ATP7B: variants seen among roughly 807,000 people sequenced by gnomAD.
ATP7B encodes ATPase copper transporting beta, also known as copper-transporting ATPase 2.
ATP7B carries 113 observed loss-of-function variants against 118.9 expected under a neutral mutation model. The ratio of observed to expected loss-of-function variants is 0.95; its 90% CI spans 0.82 to 1.11. The LOEUF (loss-of-function observed/expected upper bound fraction) is 1.11, where lower values mean the gene tolerates loss of function less well. Among genes scored for constraint, ATP7B ranks in the 50% most tolerant of loss-of-function variants. ATP7B has a pLI of 0.00. For synonymous variants in ATP7B, 777 were observed against 727.4 expected (o/e 1.07, Z -1.10); for missense variants, 1,867 against 1,871.4 (o/e 1.00, Z 0.04).
At chr13:51,997,595 T>C (rs1953272688) in intron 1 of ATP7B, among the ~76,000 whole-genome samples, 1 of 152,198 alleles carries the variant, frequency 6.6e-6, no homozygotes, top group Non-Finnish European at 1.5e-5. Flanking sequence ...GACTTTGTCC[T>C]GTGGGTGGTG....
In ATP7B at chr13:51,964,926, A is replaced by C. The variant is rs774401223; in HGVS notation, c.1815T>G (p.Leu605=). ...ASVALATSKA[L]VKFDPEIIGP... is the part of the protein sequence containing the mutation. ...CGATAATTTCCGGGTCAAACTTAAC[A>C]AGGGCTTTGCTGGTGGCAAGGGCAA... Residue 605 remains leucine (L), a synonymous_variant, in exon 5 of 21, where the codon CTT becomes CTG. Transcript: ENST00000242839. The C allele has an allele frequency of 3.7e-6, 6 of 1,614,186 alleles. No individual in the cohort carries two copies. The Admixed American group carries it at 1.0e-4, about 27-fold the overall frequency.
At chr13:51,990,052 T>C (rs528186158) in intron 1 of ATP7B, among the ~76,000 whole-genome samples, 6 of 152,078 alleles carry the variant, frequency 3.9e-5, no homozygotes, top group Non-Finnish European at 7.4e-5. Context: ...AAATAATCCT[T>C]AGAAAAAGAA....
At chr13:51,938,276 T>C (rs1189700470) in intron 17 of ATP7B, among the ~76,000 whole-genome samples, 2 of 152,182 alleles carry the variant, frequency 1.3e-5, no homozygotes, top group Non-Finnish European at 2.9e-5. Flanking sequence ...ATCTACACAG[T>C]CACTGGTCCA....
At chr13:52,000,594 AAACTT>A (rs1416141276) in intron 1 of ATP7B, among the ~76,000 whole-genome samples, 6 of 152,180 alleles carry the variant, frequency 3.9e-5, no homozygotes, top group South Asian at 2.1e-4. Context: ...TATGCATCGC[AAACTT>A]AACTTGTCTA....
At chr13:51,992,699 C>G (rs1307354687) in intron 1 of ATP7B, among the ~76,000 whole-genome samples, 1 of 151,860 alleles carries the variant, frequency 6.6e-6, no homozygotes, top group Non-Finnish European at 1.5e-5. Context: ...TTATATAGGC[C>G]AGGCAGGGTG....
chr13:51,966,530 G>A (rs1016039125), intron 4 of ATP7B, among the ~76,000 whole-genome samples: 2 of 152,232 alleles, frequency 1.3e-5, no homozygotes, highest in African/African-American at 4.8e-5. Context: ...AGGCAAATAT[G>A]AAGCAAACAG....
At chr13:51,957,404 T>C in intron 9 of ATP7B, 112 bp downstream of exon 9, 1 of 1,099,702 alleles carries the variant, frequency 9.1e-7, no homozygotes. Flanking sequence ...TTACTGTGTC[T>C]CTGCCCACAC....
intron 9 of ATP7B, among the ~76,000 whole-genome samples, chr13:51,955,490 G>A (rs1229525233): frequency 2.0e-5 from 3 of 152,164 alleles, no homozygotes; most frequent in African/African-American, 4.8e-5. Context: ...CAGGCCGTGC[G>A]TCCCCAGCCA....
intron 4 of ATP7B, 135 bp downstream of exon 4, chr13:51,968,309 G>A (rs1451306572): frequency 1.5e-5 from 21 of 1,362,532 alleles, no homozygotes; most frequent in East Asian, 4.9e-5. Flanking sequence ...AAAGGAAAGT[G>A]AAACAAACAA....
At chr13:51,968,652 C>T in intron 3 of ATP7B, 45 bp from the exon 4 acceptor site, 1 of 1,606,536 alleles carries the variant, frequency 6.2e-7, no homozygotes, top group Non-Finnish European at 8.5e-7. Context: ...GTGGGCAGGG[C>T]CTCTAGGTTG....
intron 9 of ATP7B, among the ~76,000 whole-genome samples, chr13:51,954,810 A>G (rs1958232922): frequency 6.6e-6 from 1 of 152,240 alleles, no homozygotes; most frequent in Admixed American, 6.5e-5. Context: ...ACCAGCAGGT[A>G]GTCTCTGGGA....
intron 1 of ATP7B, among the ~76,000 whole-genome samples, chr13:52,004,620 C>T (rs2140594263): frequency 6.6e-6 from 1 of 152,168 alleles, no homozygotes; most frequent in African/African-American, 2.4e-5. Flanking sequence ...ATTTTTTTCT[C>T]CAATCTCATG....
At chr13:51,955,527 G>T (rs1038942437) in intron 9 of ATP7B, among the ~76,000 whole-genome samples, 1 of 152,218 alleles carries the variant, frequency 6.6e-6, no homozygotes, top group African/African-American at 2.4e-5. Flanking sequence ...TCTTGGAAAA[G>T]AACTGAGTTA....
chr13:51,996,716 C>T (rs987269141), intron 1 of ATP7B, among the ~76,000 whole-genome samples: 2 of 152,216 alleles, frequency 1.3e-5, no homozygotes, highest in Admixed American at 6.5e-5. Context: ...ACTGAGAGAT[C>T]TGTTCTCTTT....
Position 52,011,312 on chromosome 13 carries a change from G to A in ATP7B, c.26C>T (p.Thr9Ile), listed in dbSNP as rs1954025092. Residue 9 changes from threonine (T) to isoleucine (I), a missense_variant, in exon 1 of 21, where the codon ACA (threonine) becomes ATA (isoleucine). Physicochemically the swap from Thr to Ile is moderately conservative, Grantham distance 89 (BLOSUM62 -1). Transcript: ENST00000242839. ...TTTCCGACTGGCCCCTTCTCTGGCT[G>A]TGATCTGTCTCTCCTGCTCAGGCAT... The part of the protein sequence containing the change: MPEQERQI[T>I]AREGASRKIL... 1.2e-6 allele frequency: 2 copies of A among 1,614,124 alleles called. No individual in the cohort carries two copies. The highest frequency in any genetic ancestry group is 1.7e-6 in the Non-Finnish European group (2 of 1,180,036).
intron 14 of ATP7B, 115 bp from the exon 15 acceptor site, chr13:51,942,669 C>T (rs1042990266): frequency 1.3e-5 from 17 of 1,319,472 alleles, no homozygotes; most frequent in African/African-American, 7.3e-5. Flanking sequence ...CAGCGGAAAG[C>T]GGGAACTGAG....
intron 1 of ATP7B, among the ~76,000 whole-genome samples, chr13:51,985,812 T>A (rs980927377): frequency 2.0e-5 from 3 of 152,198 alleles, no homozygotes; most frequent in Non-Finnish European, 2.9e-5. Context: ...TGCTCCTGAA[T>A]GACTACTGGG....
intron 16 of ATP7B, among the ~76,000 whole-genome samples, chr13:51,939,480 G>C (rs1176834375): frequency 6.6e-6 from 1 of 152,188 alleles, no homozygotes; most frequent in Non-Finnish European, 1.5e-5. Flanking sequence ...CTTTCTGCAA[G>C]GAGCACGTAT....
Position 51,970,482 on chromosome 13 carries a change from C to T in ATP7B, c.1543+10G>A. The T allele has an allele frequency of 6.2e-7, 1 of 1,614,174 alleles. No individual in the cohort carries two copies. Among genetic ancestry groups the T allele is most frequent in the Middle Eastern group, 1.7e-4 (1 of 6,058 alleles). On this transcript the variant is annotated intron_variant, in intron 3 of 20. Coordinates refer to ENST00000242839, the MANE Select transcript of ATP7B (RefSeq NM_000053.4). ...CATTCCTAAGTTCAACATGGGCGTT[C>T]ATCTCTTACCAGCTTCTTTCTGCAG...
Sources: gnomAD v4.1 joint callset for allele counts (sites outside exome capture counted in the v4.1 genomes callset) on GRCh38, gnomAD v4.1.1 for gene constraint, MANE v1.5 for transcripts, NCBI Gene and HGNC (gene_info 2026-07-23, HGNC 2026-07-21) for gene names.